The following FAM177A1 variants were observed in gnomAD, a reference collection of about 807,000 sequenced individuals.
FAM177A1 encodes the protein protein FAM177A1.
In FAM177A1, 22 loss-of-function variants were observed where a neutral mutation model predicts 26.1. The observed-to-expected ratio is 0.84, with a 90% CI of 0.60 to 1.20. FAM177A1 has a LOEUF of 1.20. Ranked by LOEUF, FAM177A1 falls within the 50% of genes most tolerant of loss-of-function variation. FAM177A1 has a pLI of 0.00. For missense variants in FAM177A1, 296 were observed against 291.1 expected, an observed-to-expected ratio of 1.02 and a Z score of -0.12; for synonymous variants, 95 against 99.3, an observed-to-expected ratio of 0.96 and a Z score of 0.26.
chr14:35,053,133 A>G, intron 1 of FAM177A1, 145 bp from the exon 2 acceptor site: 1 of 673,058 alleles, frequency 1.5e-6, no homozygotes. Context: ...CCTGAGCAAT[A>G]GAGTGAGACC....
chr14:35,046,999 G>T, intron 1 of FAM177A1: 4 of 1,039,398 alleles, frequency 3.8e-6, no homozygotes, highest in Non-Finnish European at 4.6e-6. Context: ...TGGTGCGAGC[G>T]CCTGCCTGGG....
At chr14:35,078,866 T>A in intron 3 of FAM177A1, 61 bp from the exon 4 acceptor site, 2 of 1,230,306 alleles carry the variant, frequency 1.6e-6, no homozygotes, top group Non-Finnish European at 2.2e-6. Context: ...GTCTTACACA[T>A]AGAAAGTGCT....
intron 1 of FAM177A1, among the ~76,000 whole-genome samples, chr14:35,051,919 T>C (rs1051750809): frequency 2.6e-5 from 4 of 152,210 alleles, no homozygotes; most frequent in Non-Finnish European, 4.4e-5. Context: ...TTTTTTGCAA[T>C]AGCAATTCAA....
At chr14:35,046,977 C>G in intron 1 of FAM177A1, 1 of 1,075,494 alleles carries the variant, frequency 9.3e-7, no homozygotes. Flanking sequence ...TCAACCACTT[C>G]TCAGTCTCTT....
intron 2 of FAM177A1, among the ~76,000 whole-genome samples, chr14:35,059,957 G>A (rs12587376): frequency 0.18 from 27,066 of 151,856 alleles, 2,570 homozygotes; most frequent in East Asian, 0.37. Flanking sequence ...GAGCCACTGC[G>A]CCTGGCTGTT....
At chr14:35,076,067 T>C (rs541917058) in intron 2 of FAM177A1, among the ~76,000 whole-genome samples, 7 of 152,292 alleles carry the variant, frequency 4.6e-5, no homozygotes, top group Non-Finnish European at 1.5e-5. Context: ...AGAAATACCA[T>C]TTGACTCAGC....
At chr14:35,073,295 C>T (rs559610739) in intron 2 of FAM177A1, among the ~76,000 whole-genome samples, 6 of 152,298 alleles carry the variant, frequency 3.9e-5, no homozygotes, top group South Asian at 2.1e-4. Context: ...GTCGCAAAAT[C>T]CTGAGCTCAG....
At chr14:35,055,454 T>C (rs1403099661) in intron 2 of FAM177A1, among the ~76,000 whole-genome samples, 2 of 151,810 alleles carry the variant, frequency 1.3e-5, no homozygotes, top group Non-Finnish European at 2.9e-5. Context: ...TTTTTTTTTT[T>C]TTTGAGACAG....
chr14:35,065,958 T>C (rs1214390215), intron 2 of FAM177A1, among the ~76,000 whole-genome samples: 1 of 152,092 alleles, frequency 6.6e-6, no homozygotes, highest in African/African-American at 2.4e-5. Context: ...CACCTTGGCC[T>C]CCCAAAGTGC....
chr14:35,074,023 A>G (rs1273684947), intron 2 of FAM177A1, among the ~76,000 whole-genome samples: 1 of 152,166 alleles, frequency 6.6e-6, no homozygotes, highest in Non-Finnish European at 1.5e-5. Context: ...TTAAAGCCAA[A>G]CTTCTTTCTA....
chr14:35,056,314 C>T (rs368747020), intron 2 of FAM177A1, among the ~76,000 whole-genome samples: 10 of 151,966 alleles, frequency 6.6e-5, no homozygotes, highest in East Asian at 1.9e-4. Context: ...GGATTACAGG[C>T]GTGAGCCACT....
chr14:35,081,679 T>G lies in FAM177A1; in HGVS notation c.*451T>G, dbSNP rs1050411868. 6.5e-6 allele frequency: 1 copy of G among 152,898 alleles called. No homozygotes were observed. Among genetic ancestry groups the G allele is most frequent in the Admixed American group, 6.5e-5 (1 of 15,350 alleles). 9.5% of individuals were successfully genotyped at this position (152,898 alleles called of 1,614,324 possible). A position where few individuals can be genotyped will look rare whatever the true frequency, so the allele number is the denominator to read the frequency against. ...TGCATTTATATATCTAACCATTAAT[T>G]TCACACTAAGGATGCTTCACCATAT... On this transcript the variant is annotated 3_prime_UTR_variant, in exon 5 of 5. Transcript: ENST00000280987.
At chr14:35,069,899 C>T (rs1183420065) in intron 2 of FAM177A1, among the ~76,000 whole-genome samples, 3 of 151,168 alleles carry the variant, frequency 2.0e-5, no homozygotes, top group Non-Finnish European at 2.9e-5. Context: ...GGATAGATCA[C>T]GAAGTCAGGA....
Position 35,081,007 on chromosome 14 carries a change from GCTC to G in FAM177A1, c.505-12_505-10del. 6.3e-7 allele frequency: 1 copy of G among 1,576,614 alleles called. No homozygotes were observed. Among genetic ancestry groups the G allele is most frequent in the East Asian group, 2.3e-5 (1 of 43,530 alleles). On this transcript the variant is annotated splice_polypyrimidine_tract_variant and intron_variant, in intron 4 of 4. Transcript: ENST00000280987. ...TCGTATTTCAACTATTCTTGATATT[GCTC>G]CTTTTTTTTAGGAAGAAGAAGAAGA...
At chr14:35,079,681 G>A (rs570010704) in intron 4 of FAM177A1, among the ~76,000 whole-genome samples, 81 of 152,124 alleles carry the variant, frequency 5.3e-4, no homozygotes, top group Middle Eastern at 3.4e-3. Flanking sequence ...ATCCATGCTC[G>A]GGGGCTGCTC....
intron 1 of FAM177A1, among the ~76,000 whole-genome samples, chr14:35,049,022 C>G (rs904744835): frequency 7.2e-5 from 11 of 151,932 alleles, no homozygotes; most frequent in Admixed American, 2.6e-4. Flanking sequence ...TCCTGAGTAG[C>G]TAGGACTACA....
At chr14:35,058,254 C>T (rs902145590) in intron 2 of FAM177A1, among the ~76,000 whole-genome samples, 2 of 151,880 alleles carry the variant, frequency 1.3e-5, no homozygotes, top group African/African-American at 4.8e-5. Flanking sequence ...TTAGTAGAGA[C>T]GGGGTTTCAC....
At chr14:35,076,083 C>T (rs2045390793) in intron 2 of FAM177A1, among the ~76,000 whole-genome samples, 2 of 152,120 alleles carry the variant, frequency 1.3e-5, no homozygotes, top group African/African-American at 4.8e-5. Flanking sequence ...TCAGCCATCC[C>T]ATTACTGGGT....
intron 3 of FAM177A1, among the ~76,000 whole-genome samples, chr14:35,078,716 A>G (rs1446407344): frequency 6.6e-6 from 1 of 152,234 alleles, no homozygotes; most frequent in Non-Finnish European, 1.5e-5. Flanking sequence ...ATTCTAATAC[A>G]GACATGAAAA....
Sources: gnomAD v4.1 joint callset for allele counts (sites outside exome capture counted in the v4.1 genomes callset) on GRCh38, gnomAD v4.1.1 for gene constraint, MANE v1.5 for transcripts, NCBI Gene and HGNC (gene_info 2026-07-23, HGNC 2026-07-21) for gene names.